SLC6A15: variants seen among roughly 807,000 people sequenced by gnomAD.
SLC6A15 encodes the protein solute carrier family 6 member 15, also known as sodium-dependent neutral amino acid transporter B(0)AT2.
In SLC6A15, 33 loss-of-function variants were observed where a neutral mutation model predicts 68.5. The observed-to-expected ratio is 0.48, with a 90% CI of 0.37 to 0.64. SLC6A15 has a LOEUF of 0.64. SLC6A15 is among the 30% of genes least tolerant of loss of function. SLC6A15 has a pLI of 0.00. For missense variants in SLC6A15, 747 were observed against 874.3 expected (o/e 0.85, Z 1.84); for synonymous variants, 347 against 301.0 (o/e 1.15, Z -1.58).
chr12:84,888,576 A>C (rs1033059977), intron 2 of SLC6A15, among the ~76,000 whole-genome samples: 1 of 152,154 alleles, frequency 6.6e-6, no homozygotes, highest in African/African-American at 2.4e-5. Flanking sequence ...ATGCAAAGGC[A>C]TACAGTATGA....
intron 9 of SLC6A15, among the ~76,000 whole-genome samples, chr12:84,868,967 T>C (rs1313051137): frequency 6.6e-6 from 1 of 152,192 alleles, no homozygotes; most frequent in East Asian, 1.9e-4. Flanking sequence ...TTGAATAATA[T>C]AAAGCAGTTT....
Position 84,876,682 on chromosome 12 carries a change from T to G in SLC6A15, c.757-75A>C, listed in dbSNP as rs370749894. The G allele has an allele frequency of 3.4e-5, 22 of 643,298 alleles. No individual in the cohort carries two copies. The East Asian group carries it at 5.2e-4, about 15-fold the overall frequency. The allele number at this position is 643,298 out of a possible 1,614,324, so 39.8% of individuals were successfully genotyped here. Reference sequence around the variant, plus strand: ...TATAGATAAGATTTTATATGTTAGTTTCTGTACTTTGACAGTCACTGTTTC... The same window carrying G: ...TATAGATAAGATTTTATATGTTAGTGTCTGTACTTTGACAGTCACTGTTTC... On this transcript the variant is annotated intron_variant, in intron 5 of 11. Transcript: ENST00000266682.
At chr12:84,898,323 G>A (rs1245535926) in intron 1 of SLC6A15, among the ~76,000 whole-genome samples, 4 of 152,176 alleles carry the variant, frequency 2.6e-5, no homozygotes, top group Non-Finnish European at 5.9e-5. Flanking sequence ...CTGGGTGACA[G>A]AGTGAGATCT....
At chr12:84,872,476 G>T in intron 8 of SLC6A15, 126 bp downstream of exon 8, 1 of 588,368 alleles carries the variant, frequency 1.7e-6, no homozygotes, top group Non-Finnish European at 2.9e-6. Flanking sequence ...ATGCCCAGGA[G>T]CTTCTCCGGG....
Position 84,861,632 on chromosome 12 carries a change from C to A in SLC6A15, c.2193G>T (p.Ter731TyrextTer20). The A allele has an allele frequency of 6.3e-7, 1 of 1,587,268 alleles. No homozygotes were observed. The highest frequency in any genetic ancestry group is 8.6e-7 in the Non-Finnish European group (1 of 1,163,326). Residue 731 changes from the stop codon to tyrosine (Y), a stop_lost, in exon 12 of 12, where the codon TAG (stop) becomes TAT (tyrosine). Coordinates refer to ENST00000266682, the MANE Select transcript of SLC6A15 (RefSeq NM_182767.6). ...TAAAACCCACTGACTTTTCCCCCAG[C>A]TACAAATCAGATTCTGGCATATCTG... ...IMPDMPESDL[*>Y] is the part of the protein sequence containing the mutation.
chr12:84,898,751 T>A (rs1872732914), intron 1 of SLC6A15, among the ~76,000 whole-genome samples: 1 of 152,238 alleles, frequency 6.6e-6, no homozygotes, highest in African/African-American at 2.4e-5. Context: ...TTGTTGTAGA[T>A]GCTTCTGTAA....
In SLC6A15 at chr12:84,872,712, C is replaced by T. The variant is rs1871341146; in HGVS notation, c.1192G>A (p.Val398Ile). ...IIPHHINLST[V>I]TAEDYHLVYD... is the part of the protein sequence containing the mutation. The stretch of plus-strand genomic sequence containing the variant: ...ACTAAATGATAATCTTCTGCAGTAA[C>T]AGTTGAAAGGTTGATATGATGGGGA... Residue 398 changes from valine (V) to isoleucine (I), a missense_variant, in exon 8 of 12, where the codon GTT becomes ATT. Transcript: ENST00000266682. 1 of 1,612,990 alleles carries T rather than the reference C, an allele frequency of 6.2e-7. No homozygotes were observed. Among genetic ancestry groups the T allele is most frequent in the Non-Finnish European group, 8.5e-7 (1 of 1,179,492 alleles).
rs777945667 is a variant in SLC6A15, at chr12:84,872,742, T to C, written c.1162A>G (p.Ile388Val). The C allele has an allele frequency of 1.2e-6, 2 of 1,611,668 alleles. No homozygotes were observed. The highest frequency in any genetic ancestry group is 1.1e-5 in the South Asian group (1 of 90,316). ...FLKMGNISQD[I>V]IPHHINLSTV... Reference sequence around the variant, plus strand: ...GAAAGGTTGATATGATGGGGAATAATATCCTGACTAATGTTCCCCATTTTC... The same window carrying C: ...GAAAGGTTGATATGATGGGGAATAACATCCTGACTAATGTTCCCCATTTTC... Residue 388 changes from isoleucine to valine, a missense_variant, in exon 8 of 12, where the codon ATT becomes GTT. Ile to Val is a conservative substitution (Grantham distance 29). Transcript: ENST00000266682.
chr12:84,881,246 T>C (rs1387931600), intron 5 of SLC6A15: 6 of 165,946 alleles, frequency 3.6e-5, no homozygotes, highest in African/African-American at 1.4e-4. Flanking sequence ...CCAGTGATGC[T>C]GAGCTCTCTA....
chr12:84,882,959 C>A, intron 5 of SLC6A15: 1 of 899,538 alleles, frequency 1.1e-6, no homozygotes, highest in Non-Finnish European at 1.3e-6. Flanking sequence ...GCTGCTGCTA[C>A]TACTACTACT....
chr12:84,911,103 A>G (rs1005077965), intron 1 of SLC6A15, among the ~76,000 whole-genome samples: 1 of 152,152 alleles, frequency 6.6e-6, no homozygotes, highest in African/African-American at 2.4e-5. Flanking sequence ...ATCTTGCAGA[A>G]ATGAGGTTGG....
At chr12:84,900,532 G>C (rs1022509628) in intron 1 of SLC6A15, among the ~76,000 whole-genome samples, 1 of 150,438 alleles carries the variant, frequency 6.6e-6, no homozygotes, top group Non-Finnish European at 1.5e-5. Context: ...TTTATGTCTC[G>C]GTGTTATTTG....
At chr12:84,904,490 T>A (rs11116650) in intron 1 of SLC6A15, among the ~76,000 whole-genome samples, 40,118 of 152,076 alleles carry the variant, frequency 0.26, 5,750 homozygotes, top group Middle Eastern at 0.44. Context: ...TGGATAAGAT[T>A]ACTTATGTAT....
rs759631659 is a variant in SLC6A15 at position 84,892,078 on chromosome 12, C to T, written c.43G>A (p.Asp15Asn). The change falls in exon 2 of 12, where the codon GAT (aspartate) becomes AAT (asparagine). Residue 15 changes from aspartate to asparagine, a missense_variant. Transcript: ENST00000266682. ...SKVVKRELDD[D>N]VTESVKDLLS... ...AGGTCTTTGACAGACTCAGTAACAT[C>T]ATCATCTAATTCTCTTTTTACCACC... The T allele has an allele frequency of 7.5e-6, 12 of 1,609,520 alleles. No homozygotes were observed. Among genetic ancestry groups the T allele is most frequent in the Non-Finnish European group, 9.3e-6 (11 of 1,178,062 alleles).
chr12:84,888,756 C>T (rs1193205931), intron 2 of SLC6A15, among the ~76,000 whole-genome samples: 1 of 152,140 alleles, frequency 6.6e-6, no homozygotes, highest in Non-Finnish European at 1.5e-5. Flanking sequence ...ACTCCAAAAT[C>T]TATTGAAATA....
intron 1 of SLC6A15, among the ~76,000 whole-genome samples, chr12:84,907,050 C>T (rs1291634534): frequency 6.6e-6 from 1 of 151,868 alleles, no homozygotes; most frequent in Non-Finnish European, 1.5e-5. Context: ...ATATAAAGAA[C>T]TCTTAAAACT....
chr12:84,911,157 C>T (rs12301213), intron 1 of SLC6A15, among the ~76,000 whole-genome samples: 14,320 of 152,136 alleles, frequency 0.094, 2,239 homozygotes, highest in African/African-American at 0.32. Context: ...CATAATAATT[C>T]CTCAAAACAA....
chr12:84,876,471 G>A (rs999129993), intron 6 of SLC6A15, 26 bp downstream of exon 6: 11 of 1,123,880 alleles, frequency 9.8e-6, no homozygotes, highest in Admixed American at 2.2e-5. Flanking sequence ...ATGATCATAA[G>A]CCTTAAATAG....
intron 5 of SLC6A15, among the ~76,000 whole-genome samples, chr12:84,880,531 T>C (rs548872548): frequency 1.6e-4 from 25 of 152,356 alleles, no homozygotes; most frequent in African/African-American, 5.5e-4. Context: ...ATTGTTTACC[T>C]TGTTAGTTGT....
Sources: gnomAD v4.1 joint callset for allele counts (sites outside exome capture counted in the v4.1 genomes callset) on GRCh38, gnomAD v4.1.1 for gene constraint, MANE v1.5 for transcripts, NCBI Gene and HGNC (gene_info 2026-07-23, HGNC 2026-07-21) for gene names.